The following ZDHHC20 variants were observed in gnomAD, a reference collection of about 807,000 sequenced individuals.
The protein encoded by ZDHHC20 is palmitoyltransferase ZDHHC20.
A neutral mutation model predicts 57.8 loss-of-function variants in ZDHHC20; 43 were observed. The observed-to-expected ratio is 0.74, with a 90% CI of 0.58 to 0.96. The LOEUF (loss-of-function observed/expected upper bound fraction) is 0.96, where lower values mean the gene tolerates loss of function less well. Ranked by LOEUF, ZDHHC20 falls within the 40% of genes least tolerant of loss-of-function variation. The pLI, the probability that ZDHHC20 is intolerant of heterozygous loss-of-function variation, is 0.00. For synonymous variants in ZDHHC20, 157 were observed against 153.0 expected, an observed-to-expected ratio of 1.03 and a Z score of -0.19; for missense variants, 391 against 441.1, an observed-to-expected ratio of 0.89 and a Z score of 1.02.
At chr13:21,426,252 G>T (rs977632914) in intron 1 of ZDHHC20, among the ~76,000 whole-genome samples, 1 of 152,058 alleles carries the variant, frequency 6.6e-6, no homozygotes, top group Non-Finnish European at 1.5e-5. Flanking sequence ...GATGAATAAA[G>T]CCAACAACCA....
chr13:21,447,159 T>C (rs2138036020), intron 1 of ZDHHC20, among the ~76,000 whole-genome samples: 1 of 151,782 alleles, frequency 6.6e-6, no homozygotes, highest in South Asian at 2.1e-4. Context: ...CAACCCACCC[T>C]AAAACTTAAG....
intron 11 of ZDHHC20, among the ~76,000 whole-genome samples, chr13:21,379,825 CTT>C (rs56681468): frequency 2.2e-5 from 3 of 137,732 alleles, no homozygotes; most frequent in Non-Finnish European, 4.6e-5. Context: ...TTTCTTTTTT[CTT>C]TTTTTTTGAG....
chr13:21,384,455 T>TC (rs1203130284), intron 9 of ZDHHC20, among the ~76,000 whole-genome samples: 1 of 35,774 alleles, frequency 2.8e-5, no homozygotes, highest in Non-Finnish European at 5.4e-5. Flanking sequence ...AGACTCTATC[T>TC]CCAAAAAAAA....
chr13:21,385,812 C>G (rs1265509107), intron 9 of ZDHHC20, among the ~76,000 whole-genome samples: 1 of 152,102 alleles, frequency 6.6e-6, no homozygotes, highest in Non-Finnish European at 1.5e-5. Context: ...CTCATCAAAC[C>G]ACTTAAAATC....
intron 11 of ZDHHC20, among the ~76,000 whole-genome samples, chr13:21,380,317 C>T (rs889758509): frequency 4.1e-5 from 6 of 148,076 alleles, no homozygotes; most frequent in East Asian, 2.1e-4. Context: ...GGTTTCACCA[C>T]GTTCGCCAAG....
At chr13:21,384,681 T>C (rs1361154204) in intron 9 of ZDHHC20, among the ~76,000 whole-genome samples, 1 of 152,122 alleles carries the variant, frequency 6.6e-6, no homozygotes, top group East Asian at 1.9e-4. Flanking sequence ...CTGGGAAGCA[T>C]TCAAATTTGA....
intron 2 of ZDHHC20, among the ~76,000 whole-genome samples, chr13:21,423,276 T>C (rs1880847437): frequency 6.6e-6 from 1 of 152,206 alleles, no homozygotes; most frequent in African/African-American, 2.4e-5. Flanking sequence ...TTGTTTCCAC[T>C]AACATTGATT....
At chr13:21,390,516 A>G (rs1350198864) in intron 8 of ZDHHC20, among the ~76,000 whole-genome samples, 1 of 152,242 alleles carries the variant, frequency 6.6e-6, no homozygotes, top group African/African-American at 2.4e-5. Flanking sequence ...AAATATGGAA[A>G]TAATGAGGCA....
At chr13:21,451,568 T>C (rs1453082307) in intron 1 of ZDHHC20, among the ~76,000 whole-genome samples, 1 of 152,132 alleles carries the variant, frequency 6.6e-6, no homozygotes, top group Non-Finnish European at 1.5e-5. Flanking sequence ...AATAAAACTG[T>C]GAATATGTTT....
chr13:21,452,275 T>C (rs1413102650), intron 1 of ZDHHC20, among the ~76,000 whole-genome samples: 1 of 152,210 alleles, frequency 6.6e-6, no homozygotes, highest in African/African-American at 2.4e-5. Context: ...CGGATTGTTG[T>C]GATGACTGCA....
intron 11 of ZDHHC20, among the ~76,000 whole-genome samples, chr13:21,379,065 G>T (rs927484601): frequency 6.6e-6 from 1 of 151,504 alleles, no homozygotes; most frequent in Non-Finnish European, 1.5e-5. Flanking sequence ...TGCCTAGGCT[G>T]GCCTTAAACT....
At chr13:21,443,562 C>T (rs897686823) in intron 1 of ZDHHC20, among the ~76,000 whole-genome samples, 1 of 152,170 alleles carries the variant, frequency 6.6e-6, no homozygotes, top group Non-Finnish European at 1.5e-5. Context: ...TTTGCTCTTA[C>T]TAATCTGTAT....
At chr13:21,415,467 G>C (rs1879840348) in intron 3 of ZDHHC20, among the ~76,000 whole-genome samples, 1 of 152,120 alleles carries the variant, frequency 6.6e-6, no homozygotes, top group African/African-American at 2.4e-5. Context: ...AACATGGACA[G>C]ATGAACAGGA....
chr13:21,452,356 T>C (rs1884526127), intron 1 of ZDHHC20, among the ~76,000 whole-genome samples: 1 of 152,222 alleles, frequency 6.6e-6, no homozygotes, highest in East Asian at 1.9e-4. Context: ...ACATGCAAAC[T>C]ATGTCTCGAT....
chr13:21,389,526 C>T (rs1875253532), intron 8 of ZDHHC20, among the ~76,000 whole-genome samples: 1 of 152,028 alleles, frequency 6.6e-6, no homozygotes, highest in South Asian at 2.1e-4. Flanking sequence ...TGTGCATGTT[C>T]TAAGTCATGA....
At chr13:21,436,237 C>T (rs1328937513) in intron 1 of ZDHHC20, among the ~76,000 whole-genome samples, 1 of 152,192 alleles carries the variant, frequency 6.6e-6, no homozygotes, top group Non-Finnish European at 1.5e-5. Context: ...GGGTGTTGAT[C>T]AACATTAATG....
At chr13:21,451,218 A>T (rs1287350201) in intron 1 of ZDHHC20, among the ~76,000 whole-genome samples, 1 of 152,220 alleles carries the variant, frequency 6.6e-6, no homozygotes, top group African/African-American at 2.4e-5. Context: ...AGGACCAATA[A>T]GCCATTTCAC....
chr13:21,418,699 G>C (rs1880292080), intron 3 of ZDHHC20, among the ~76,000 whole-genome samples: 1 of 142,730 alleles, frequency 7.0e-6, no homozygotes, highest in East Asian at 1.9e-4. Flanking sequence ...TCTGAGACAG[G>C]GTCTCACTCT....
chr13:21,415,717 T>C (rs1035384950), intron 3 of ZDHHC20, among the ~76,000 whole-genome samples: 4 of 152,340 alleles, frequency 2.6e-5, no homozygotes, highest in Admixed American at 1.3e-4. Context: ...CTCTTACATA[T>C]TCATAGTAGA....
Sources: gnomAD v4.1 joint callset for allele counts (sites outside exome capture counted in the v4.1 genomes callset) on GRCh38, gnomAD v4.1.1 for gene constraint, MANE v1.5 for transcripts, NCBI Gene and HGNC (gene_info 2026-07-23, HGNC 2026-07-21) for gene names.